The following CSN2 variants were observed in gnomAD, a reference collection of about 807,000 sequenced individuals.
The protein encoded by CSN2 is casein beta.
Under a neutral mutation model 27.3 loss-of-function variants are expected in CSN2, and 27 were observed. That is an observed-to-expected ratio of 0.99 (90% confidence interval 0.73 to 1.36). The LOEUF (loss-of-function observed/expected upper bound fraction) is 1.36. CSN2 is among the 40% of genes most tolerant of loss of function. CSN2 has a pLI of 0.00. For missense variants in CSN2, 333 were observed against 264.5 expected, an observed-to-expected ratio of 1.26 and a Z score of -1.80; for synonymous variants, 131 against 94.8, an observed-to-expected ratio of 1.38 and a Z score of -2.22.
chr4:69,956,410 C>T (rs1355887886), intron 6 of CSN2, 55 bp from the exon 7 acceptor site: 34 of 1,284,220 alleles, frequency 2.6e-5, no homozygotes, highest in Non-Finnish European at 3.0e-5. Context: ...GAAAACTTGC[C>T]TTAAGAATGT....
At chr4:69,960,600 A>G (rs375720417) in intron 2 of CSN2, among the ~76,000 whole-genome samples, 2 of 152,018 alleles carry the variant, frequency 1.3e-5, no homozygotes, top group East Asian at 3.8e-4. Flanking sequence ...GTATATATAC[A>G]TTTTATCACT....
rs1407990685 is a variant in CSN2, at chr4:69,958,911, C to G, written c.142G>C (p.Glu48Gln). The part of the protein sequence containing the change: ...KVKHEDQQQG[E>Q]DEHQDKIYPS... ...TATACTTATCATTAACAAATTACCTCTCCTTGCTGCTGGTCCTCATGTTTA... is the reference window on the plus strand; with the variant it reads ...TATACTTATCATTAACAAATTACCTGTCCTTGCTGCTGGTCCTCATGTTTA... The change falls in exon 5 of 8, where the codon GAG becomes CAG. Residue 48 changes from glutamate to glutamine, a missense_variant and splice_region_variant. By Grantham distance (29) the Glu-to-Gln change is conservative. Coordinates refer to ENST00000353151, the MANE Select transcript of CSN2 (RefSeq NM_001891.4). 1.2e-5 allele frequency: 19 copies of G among 1,584,128 alleles called. No homozygotes were observed. Among genetic ancestry groups the G allele is most frequent in the Middle Eastern group, 2.1e-4 (1 of 4,830 alleles).
intron 1 of CSN2, among the ~76,000 whole-genome samples, chr4:69,964,576 T>C (rs952423554): frequency 2.0e-5 from 3 of 151,754 alleles, no homozygotes; most frequent in Admixed American, 6.6e-5. Context: ...TTTTTATGAA[T>C]GTTAATTAAG....
rs909693477 is a variant in CSN2, at chr4:69,955,520, T to A, written c.*109A>T. Reference sequence around the variant, plus strand: ...AGTTCATTTTTTCCATATAAACTCATTCAAACATACTTAATTTGGGGTAAC... The same window carrying A: ...AGTTCATTTTTTCCATATAAACTCAATCAAACATACTTAATTTGGGGTAAC... On this transcript the variant is annotated 3_prime_UTR_variant, in exon 8 of 8. Coordinates refer to ENST00000353151, the MANE Select transcript of CSN2 (RefSeq NM_001891.4). 6.6e-6 allele frequency: 1 copy of A among 152,506 alleles called. No homozygotes were observed. Among genetic ancestry groups the A allele is most frequent in the African/African-American group, 2.4e-5 (1 of 41,436 alleles). The allele number at this position is 152,506 out of a possible 1,614,324, so 9.4% of individuals were successfully genotyped here. A position where few individuals can be genotyped will look rare whatever the true frequency, so the allele number is the denominator to read the frequency against.
At chr4:69,962,786 G>C (rs1267870279) in intron 1 of CSN2, among the ~76,000 whole-genome samples, 2 of 152,170 alleles carry the variant, frequency 1.3e-5, no homozygotes, top group Non-Finnish European at 2.9e-5. Flanking sequence ...ACTACCATCA[G>C]AGTGAACAGG....
intron 6 of CSN2, among the ~76,000 whole-genome samples, chr4:69,956,659 G>A (rs1386155311): frequency 6.6e-6 from 1 of 152,144 alleles, no homozygotes. Flanking sequence ...AAAGAGATGT[G>A]CACAAGGAAA....
chr4:69,956,459 A>G (rs1723399669), intron 6 of CSN2, 104 bp from the exon 7 acceptor site: 1 of 915,106 alleles, frequency 1.1e-6, no homozygotes, highest in East Asian at 3.5e-5. Flanking sequence ...TTTTGCCTTC[A>G]TATATATTTA....
intron 1 of CSN2, 140 bp from the exon 2 acceptor site, chr4:69,961,147 A>G: frequency 1.8e-6 from 1 of 560,488 alleles, no homozygotes. Flanking sequence ...GAAAATAAAT[A>G]GAATAAATAC....
rs899433396 is a variant in CSN2 at position 69,957,491 on chromosome 4, A to G, written c.458T>C (p.Val153Ala). 2 of 1,613,798 alleles carry G rather than the reference A, an allele frequency of 1.2e-6. No individual in the cohort carries two copies. The highest frequency in any genetic ancestry group is 1.3e-5 in the African/African-American group (1 of 74,894). Residue 153 changes from valine to alanine, a missense_variant, in exon 6 of 8, where the codon GTC (valine) becomes GCC (alanine). Coordinates refer to ENST00000353151, the MANE Select transcript of CSN2 (RefSeq NM_001891.4). ...AAGAGTCTGAGGAATAGGCTGAGGG[A>G]CCTGCTGCATCAAGGGCTGGAGCAG... is the stretch of plus-strand genomic sequence containing the variant. ...LPLLQPLMQQ[V>A]PQPIPQTLAL...
rs1723441918 is a variant in CSN2 at position 69,957,514 on chromosome 4, C to T, written c.435G>A (p.Leu145=). The T allele has an allele frequency of 6.2e-7, 1 of 1,613,804 alleles. No individual in the cohort carries two copies. The part of the protein sequence containing the change: ...DLENLHLPLP[L]LQPLMQQVPQ... The stretch of plus-strand genomic sequence containing the variant: ...GGACCTGCTGCATCAAGGGCTGGAG[C>T]AGAGGCAGAGGAAGATGCAGATTTT... The change falls in exon 6 of 8, where the codon CTG becomes CTA. Residue 145 remains leucine (L), a synonymous_variant. Transcript: ENST00000353151.
At chr4:69,961,804 C>T (rs986124215) in intron 1 of CSN2, among the ~76,000 whole-genome samples, 1 of 152,172 alleles carries the variant, frequency 6.6e-6, no homozygotes, top group African/African-American at 2.4e-5. Flanking sequence ...TCCCTGTTTG[C>T]AGATGACATG....
Position 69,957,531 on chromosome 4 carries a change from G to A in CSN2, c.418C>T (p.His140Tyr), listed in dbSNP as rs755271919. ...GGCTGGAGCAGAGGCAGAGGAAGAT[G>A]CAGATTTTCAAGATCAGTGAGTTTT... is the stretch of plus-strand genomic sequence containing the variant. ...IPKLTDLENLHLPLPLLQPLM... is the reference protein window; with the variant it reads ...IPKLTDLENLYLPLPLLQPLM... The change falls in exon 6 of 8, where the codon CAT becomes TAT. Residue 140 changes from histidine (H) to tyrosine (Y), a missense_variant. Physicochemically the swap from His to Tyr is moderately conservative, Grantham distance 83. Transcript: ENST00000353151. 9.2e-5 allele frequency: 149 copies of A among 1,613,802 alleles called. No individual in the cohort carries two copies. The highest frequency in any genetic ancestry group is 1.2e-4 in the Non-Finnish European group (146 of 1,179,986).
chr4:69,964,785 G>A (rs183952586), intron 1 of CSN2, among the ~76,000 whole-genome samples: 84 of 148,766 alleles, frequency 5.6e-4, no homozygotes, highest in African/African-American at 1.7e-3. Context: ...TTTTATATAC[G>A]AATGTATAAT....
intron 1 of CSN2, among the ~76,000 whole-genome samples, chr4:69,965,356 T>C (rs1723763783): frequency 5.2e-5 from 2 of 38,190 alleles, no homozygotes; most frequent in South Asian, 1.6e-3. Flanking sequence ...AATTGGAAGA[T>C]TAATTAAAAA....
chr4:69,956,395 AGT>A, intron 6 of CSN2, 40 bp from the exon 7 acceptor site: 1 of 1,327,056 alleles, frequency 7.5e-7, no homozygotes, highest in Non-Finnish European at 9.9e-7. Context: ...ATAACCTCTT[AGT>A]AAGAAAACTT....
intron 1 of CSN2, 86 bp from the exon 2 acceptor site, chr4:69,961,093 A>T (rs1723564685): frequency 1.2e-5 from 7 of 561,168 alleles, no homozygotes; most frequent in Non-Finnish European, 2.0e-5. Context: ...TTTATAAAAC[A>T]AAAAAAAAAG....
At chr4:69,960,900 T>C (rs1420927099) in intron 2 of CSN2, 45 bp downstream of exon 2, 4 of 1,460,428 alleles carry the variant, frequency 2.7e-6, no homozygotes, top group South Asian at 2.3e-5. Flanking sequence ...AAGCATATAG[T>C]CCACTATTTA....
chr4:69,960,675 G>T (rs746244575), intron 2 of CSN2, among the ~76,000 whole-genome samples: 1 of 151,832 alleles, frequency 6.6e-6, no homozygotes, highest in Non-Finnish European at 1.5e-5. Flanking sequence ...ATTATATTTC[G>T]TTGCCATTTT....
chr4:69,957,313 A>G lies in CSN2; in HGVS notation c.636T>C (p.Pro212=). 1 of 1,586,204 alleles carries G rather than the reference A, an allele frequency of 6.3e-7. No homozygotes were observed. The highest frequency in any genetic ancestry group is 8.6e-7 in the Non-Finnish European group (1 of 1,164,760). Residue 212 remains proline, a synonymous_variant, in exon 6 of 8, where the codon CCT becomes CCC. Transcript: ENST00000353151. ...GAACTGGGGCAAGTGGCTGAGTCAC[A>G]GGGTAGATCTGGTGGGTGGGGTTAA... ...LLLNPTHQIY[P]VTQPLAPVHN...
Sources: allele counts gnomAD v4.1 joint callset (sites outside exome capture counted in the v4.1 genomes callset), GRCh38; gene constraint gnomAD v4.1.1; transcripts MANE v1.5; gene names NCBI Gene and HGNC (gene_info 2026-07-23, HGNC 2026-07-21).